CNTNAP2: variants seen among roughly 807,000 people sequenced by gnomAD.
The protein encoded by CNTNAP2 is contactin-associated protein-like 2.
Under a neutral mutation model 155.2 loss-of-function variants are expected in CNTNAP2, and 98 were observed. The ratio of observed to expected loss-of-function variants is 0.63; its 90% confidence interval spans 0.54 to 0.75. The LOEUF (loss-of-function observed/expected upper bound fraction) is 0.75, where lower values mean the gene tolerates loss of function less well. CNTNAP2 is among the 30% of genes least tolerant of loss of function. The pLI is 0.00. For synonymous variants in CNTNAP2, 651 were observed against 631.2 expected (o/e 1.03, Z -0.47); for missense variants, 1,727 against 1,688.1 (o/e 1.02, Z -0.40).
intron 12 of CNTNAP2, among the ~76,000 whole-genome samples, chr7:147,563,028 A>C (rs1326846472): frequency 6.6e-6 from 1 of 152,176 alleles, no homozygotes; most frequent in Non-Finnish European, 1.5e-5. Context: ...GATGGTAGTT[A>C]CTGAGTGTGA....
At chr7:146,485,460 G>A (rs944538590) in intron 1 of CNTNAP2, among the ~76,000 whole-genome samples, 15 of 152,132 alleles carry the variant, frequency 9.9e-5, no homozygotes, top group African/African-American at 3.6e-4. Context: ...TTTCTTATGT[G>A]ATACACCTAC....
At chr7:146,601,046 T>G (rs1447774082) in intron 1 of CNTNAP2, among the ~76,000 whole-genome samples, 1 of 152,166 alleles carries the variant, frequency 6.6e-6, no homozygotes, top group Non-Finnish European at 1.5e-5. Context: ...GTTTTAACAC[T>G]GCTTAAGATA....
At chr7:147,210,174 G>C (rs1248051143) in intron 8 of CNTNAP2, among the ~76,000 whole-genome samples, 12 of 151,884 alleles carry the variant, frequency 7.9e-5, no homozygotes, top group Admixed American at 7.9e-4. Context: ...ATTGCTACCA[G>C]GTCTTTTTTT....
intron 1 of CNTNAP2, among the ~76,000 whole-genome samples, chr7:146,525,773 G>A (rs801957): frequency 0.035 from 5,390 of 152,092 alleles, 308 homozygotes; most frequent in African/African-American, 0.12. Flanking sequence ...TGGCAGCTGC[G>A]GCACTACTGG....
chr7:146,458,686 T>G (rs1796592790), intron 1 of CNTNAP2, among the ~76,000 whole-genome samples: 1 of 152,206 alleles, frequency 6.6e-6, no homozygotes, highest in African/African-American at 2.4e-5. Flanking sequence ...TGGGTGTTTC[T>G]GTGAGTGGTA....
At chr7:146,207,262 A>G (rs1798961335) in intron 1 of CNTNAP2, among the ~76,000 whole-genome samples, 2 of 152,070 alleles carry the variant, frequency 1.3e-5, no homozygotes, top group African/African-American at 4.8e-5. Flanking sequence ...AGTAGAATGT[A>G]TCATGCGGTA....
rs74453422 is a variant in CNTNAP2 at position 147,102,777 on chromosome 7, T to C, written c.551-5370T>C. 4.9e-4 allele frequency among the ~76,000 whole-genome samples: 75 copies of C among 152,246 alleles called. 1 individual carries two copies. The highest frequency in any genetic ancestry group is 1.6e-3 in the African/African-American group (68 of 41,544). Reference sequence around the variant, plus strand: ...TGTTTAGGTTTATATCATAGATACATTGAAAAAAAGAAAGGCAGTGGGTTA... The same window carrying C: ...TGTTTAGGTTTATATCATAGATACACTGAAAAAAAGAAAGGCAGTGGGTTA... On this transcript the variant is annotated intron_variant, in intron 4 of 23. Coordinates refer to ENST00000361727, the MANE Select transcript of CNTNAP2 (RefSeq NM_014141.6).
At chr7:146,447,217 A>G (rs1164082647) in intron 1 of CNTNAP2, among the ~76,000 whole-genome samples, 1 of 152,066 alleles carries the variant, frequency 6.6e-6, no homozygotes, top group Non-Finnish European at 1.5e-5. Context: ...TCTGTGCTTA[A>G]CTTTTATTGC....
intron 8 of CNTNAP2, among the ~76,000 whole-genome samples, chr7:147,264,439 G>C (rs868014422): frequency 1.3e-5 from 2 of 151,886 alleles, no homozygotes; most frequent in South Asian, 4.2e-4. Flanking sequence ...AGAGTCTAAG[G>C]GGAAGTGGGA....
At position 147,868,023 on chromosome 7, in the gene CNTNAP2, G is replaced by A. The variant is rs185075768; in HGVS notation, c.2099-35542G>A. Among the ~76,000 whole-genome samples, 275 of 152,222 alleles carry A rather than the reference G, an allele frequency of 1.8e-3. 1 individual carries two copies. The highest frequency in any genetic ancestry group is 2.5e-3 in the Non-Finnish European group (167 of 68,022). On this transcript the variant is annotated intron_variant, in intron 13 of 23. Transcript: ENST00000361727. ...GGAGCTGCAATCTTTTGGAGGAGAA[G>A]AGGTGCTCTGATTTTTAGAATTTTC...
At chr7:148,044,679 C>T (rs1295371513) in intron 15 of CNTNAP2, 1 of 152,332 alleles carries the variant, frequency 6.6e-6, no homozygotes, top group Non-Finnish European at 1.5e-5. Flanking sequence ...CTACCTCTGT[C>T]TCGGGCTTCC....
At chr7:146,987,631 G>A (rs1798136340) in intron 3 of CNTNAP2, among the ~76,000 whole-genome samples, 1 of 152,072 alleles carries the variant, frequency 6.6e-6, no homozygotes, top group Non-Finnish European at 1.5e-5. Context: ...GAAGACAGCT[G>A]TGTAGTATAG....
chr7:147,217,115 A>C (rs1214565938), intron 8 of CNTNAP2, among the ~76,000 whole-genome samples: 2 of 152,008 alleles, frequency 1.3e-5, no homozygotes, highest in African/African-American at 4.8e-5. Context: ...CTATCATGTC[A>C]TCAGAAAAAA....
chr7:146,679,113 T>G (rs1217695707), intron 1 of CNTNAP2, among the ~76,000 whole-genome samples: 1 of 152,142 alleles, frequency 6.6e-6, no homozygotes, highest in Non-Finnish European at 1.5e-5. Context: ...ACCTAAATAT[T>G]AAGCCTAGTA....
intron 10 of CNTNAP2, among the ~76,000 whole-genome samples, chr7:147,481,954 C>T (rs972934274): frequency 7.2e-5 from 11 of 152,032 alleles, no homozygotes; most frequent in African/African-American, 2.7e-4. Flanking sequence ...ATCATAGATA[C>T]AAATAATCTA....
At chr7:147,965,739 A>G (rs1057034481) in intron 14 of CNTNAP2, among the ~76,000 whole-genome samples, 17 of 151,974 alleles carry the variant, frequency 1.1e-4, no homozygotes, top group Admixed American at 3.3e-4. Flanking sequence ...GCTGACACTG[A>G]CAGTGCTCTC....
chr7:148,114,324 G>C (rs1238959874), intron 15 of CNTNAP2, among the ~76,000 whole-genome samples: 1 of 152,134 alleles, frequency 6.6e-6, no homozygotes, highest in African/African-American at 2.4e-5. Flanking sequence ...TAACACCCAG[G>C]TTACCAAAAA....
intron 13 of CNTNAP2, among the ~76,000 whole-genome samples, chr7:147,841,557 AG>A (rs908947159): frequency 4.6e-5 from 7 of 152,344 alleles, no homozygotes; most frequent in Middle Eastern, 3.4e-3. Context: ...GCAAAAAAAA[AG>A]ACCCTACGCT....
chr7:146,232,143 T>G (rs1227062625), intron 1 of CNTNAP2, among the ~76,000 whole-genome samples: 2 of 150,576 alleles, frequency 1.3e-5, no homozygotes, highest in Non-Finnish European at 2.9e-5. Flanking sequence ...AAATCTGAGT[T>G]GATTAACAAG....
Sources: gnomAD v4.1 joint callset for allele counts (sites outside exome capture counted in the v4.1 genomes callset) on GRCh38, gnomAD v4.1.1 for gene constraint, MANE v1.5 for transcripts, NCBI Gene and HGNC (gene_info 2026-07-23, HGNC 2026-07-21) for gene names.